DMD: variants seen among roughly 807,000 people sequenced by gnomAD.
The protein encoded by DMD is mutant dystrophin.
In DMD, 63 loss-of-function variants were observed where a neutral mutation model predicts 330.1. The ratio of observed to expected loss-of-function variants is 0.19; its 90% CI spans 0.16 to 0.24. DMD has a LOEUF of 0.24. Ranked by LOEUF, DMD falls within the 10% of genes least tolerant of loss-of-function variation. The pLI is 1.00. For synonymous variants in DMD, 1,223 were observed against 959.8 expected, an observed-to-expected ratio of 1.27 and a Z score of -5.07; for missense variants, 3,344 against 2,684.1, an observed-to-expected ratio of 1.25 and a Z score of -5.43.
At chrX:32,650,467 A>T (rs1197374700) in intron 9 of DMD, among the ~76,000 whole-genome samples, 1 of 111,823 alleles carries the variant, frequency 8.9e-6, no homozygotes, top group East Asian at 2.8e-4. Flanking sequence ...ATAAAGGATT[A>T]CAGAGGGATA....
At chrX:31,511,312 T>TTTTATTTATTTATTTA (rs763976919) in intron 55 of DMD, among the ~76,000 whole-genome samples, 2 of 100,095 alleles carry the variant, frequency 2.0e-5, no homozygotes, top group South Asian at 4.3e-4. Context: ...ACTCATCATT[T>TTTTATTTATTTATTTA]TTTATTTATT....
intron 54 of DMD, among the ~76,000 whole-genome samples, chrX:31,636,966 AGT>A (rs2079450300): frequency 8.9e-6 from 1 of 112,076 alleles, no homozygotes; most frequent in African/African-American, 3.2e-5. Flanking sequence ...ATGATAAGTT[AGT>A]AAATGTTGGT....
chrX:31,472,869 A>T (rs2067405169), intron 59 of DMD, among the ~76,000 whole-genome samples: 2 of 112,552 alleles, frequency 1.8e-5, no homozygotes, highest in African/African-American at 6.5e-5. Context: ...CACAGTAAGA[A>T]ATGCAAGTTA....
chrX:32,282,978 G>T (rs767865952), intron 43 of DMD, among the ~76,000 whole-genome samples: 1 of 111,789 alleles, frequency 8.9e-6, no homozygotes, highest in South Asian at 3.7e-4. Context: ...TCATTCTATT[G>T]ATGTCAGATT....
At chrX:31,188,781 A>G (rs1460999648) in intron 67 of DMD, among the ~76,000 whole-genome samples, 1 of 112,021 alleles carries the variant, frequency 8.9e-6, no homozygotes, top group East Asian at 2.8e-4. Context: ...TATCCATAAC[A>G]GAAAAGCTAG....
intron 2 of DMD, among the ~76,000 whole-genome samples, chrX:32,963,361 G>A (rs933625461): frequency 1.8e-5 from 2 of 111,766 alleles, no homozygotes; most frequent in African/African-American, 6.5e-5. Context: ...ACACGTTGAG[G>A]TTGCATACTA....
chrX:32,028,872 C>T (rs1231100764), intron 44 of DMD, among the ~76,000 whole-genome samples: 1 of 110,721 alleles, frequency 9.0e-6, no homozygotes, highest in Admixed American at 9.7e-5. Flanking sequence ...CTTTCTTTTT[C>T]TTCATCCTCA....
At chrX:31,152,234 G>A (rs1439784754) in intron 74 of DMD, among the ~76,000 whole-genome samples, 7 of 103,691 alleles carry the variant, frequency 6.8e-5, no homozygotes, top group African/African-American at 2.2e-4. Context: ...CACGATCTCC[G>A]CTCACTGCAA....
intron 33 of DMD, among the ~76,000 whole-genome samples, chrX:32,381,544 T>C (rs1278796299): frequency 9.0e-6 from 1 of 111,483 alleles, no homozygotes; most frequent in East Asian, 2.8e-4. Flanking sequence ...GCCAGATAAA[T>C]TACAATTTCT....
At chrX:32,157,164 A>G (rs1603627330) in intron 44 of DMD, among the ~76,000 whole-genome samples, 3 of 112,450 alleles carry the variant, frequency 2.7e-5, no homozygotes. Context: ...GTGTTTATGT[A>G]CCACAACTGA....
intron 2 of DMD, among the ~76,000 whole-genome samples, chrX:32,886,435 G>A (rs961435438): frequency 1.8e-5 from 2 of 111,038 alleles, no homozygotes; most frequent in Non-Finnish European, 3.8e-5. Flanking sequence ...TGTAATCCCA[G>A]CACTTTGGGA....
At chrX:32,437,191 T>C (rs957840197) in intron 29 of DMD, among the ~76,000 whole-genome samples, 1 of 112,151 alleles carries the variant, frequency 8.9e-6, no homozygotes, top group Non-Finnish European at 1.9e-5. Context: ...GGACCAGAGA[T>C]TGTTTGGAAT....
At chrX:31,159,257 A>T (rs2038531509) in intron 74 of DMD, among the ~76,000 whole-genome samples, 1 of 111,709 alleles carries the variant, frequency 9.0e-6, no homozygotes, top group Non-Finnish European at 1.9e-5. Context: ...AAGACTGGGA[A>T]TCATGCTCAC....
chrX:32,276,307 G>A (rs1474225423), intron 43 of DMD, among the ~76,000 whole-genome samples: 3 of 112,291 alleles, frequency 2.7e-5, no homozygotes, highest in East Asian at 2.8e-4. Flanking sequence ...TGGGACACAC[G>A]AACTGCAATT....
chrX:32,766,253 G>T (rs1042742421), intron 7 of DMD, among the ~76,000 whole-genome samples: 1 of 111,509 alleles, frequency 9.0e-6, no homozygotes, highest in Non-Finnish European at 1.9e-5. Context: ...TTTTCTTAGA[G>T]ATGGCACTGA....
At chrX:31,871,334 C>A (rs1168534661) in intron 48 of DMD, among the ~76,000 whole-genome samples, 1 of 111,188 alleles carries the variant, frequency 9.0e-6, no homozygotes, top group African/African-American at 3.3e-5. Context: ...ACAAACCAAG[C>A]AATGTGCAGT....
At chrX:31,431,534 A>C (rs1054918706) in intron 60 of DMD, among the ~76,000 whole-genome samples, 14 of 110,956 alleles carry the variant, frequency 1.3e-4, no homozygotes, top group Non-Finnish European at 2.6e-4. Context: ...AGTAGCTGAG[A>C]TTACAGGCAT....
At chrX:32,188,701 T>C (rs1384415463) in intron 44 of DMD, among the ~76,000 whole-genome samples, 1 of 109,278 alleles carries the variant, frequency 9.2e-6, no homozygotes, top group Non-Finnish European at 1.9e-5. Context: ...TGCCATAATA[T>C]GCTTATTAAT....
At chrX:32,505,214 C>T (rs143457174) in intron 18 of DMD, among the ~76,000 whole-genome samples, 1,760 of 111,317 alleles carry the variant, frequency 0.016, 34 homozygotes, top group African/African-American at 0.055. Context: ...AAAGATGCTG[C>T]CAAAAGAACG....
Sources: gnomAD v4.1 joint callset for allele counts (sites outside exome capture counted in the v4.1 genomes callset) on GRCh38, gnomAD v4.1.1 for gene constraint, MANE v1.5 for transcripts, NCBI Gene and HGNC (gene_info 2026-07-23, HGNC 2026-07-21) for gene names.